The following ZNF469 variants were observed in gnomAD, a reference collection of about 807,000 sequenced individuals.
ZNF469 encodes the protein zinc finger protein 469.
ZNF469 carries 1 observed loss-of-function variant against 1.0 expected under a neutral mutation model. The ratio of observed to expected loss-of-function variants is 1.00; its 90% CI spans 0.35 to 4.73. ZNF469 has a LOEUF of 4.73. Ranked by LOEUF, ZNF469 falls within the 30% of genes most tolerant of loss-of-function variation. The pLI, the probability that ZNF469 is intolerant of heterozygous loss-of-function variation, is 0.16. For missense variants in ZNF469, 6,100 were observed against 5,356.3 expected, an observed-to-expected ratio of 1.14 and a Z score of -4.33; for synonymous variants, 2,703 against 2,363.4, an observed-to-expected ratio of 1.14 and a Z score of -4.17.
In ZNF469 at chr16:88,434,806, C is replaced by G; in HGVS notation, c.7336C>G (p.Gln2446Glu). 6.5e-7 allele frequency: 1 copy of G among 1,550,358 alleles called. No homozygotes were observed. Among genetic ancestry groups the G allele is most frequent in the Non-Finnish European group, 8.7e-7 (1 of 1,146,976 alleles). The change falls in exon 3 of 3, where the codon CAG (glutamine) becomes GAG (glutamate). Residue 2446 changes from glutamine to glutamate, a missense_variant. Physicochemically the swap from Gln to Glu is conservative, Grantham distance 29. Transcript: ENST00000565624. ...GDPLGPQDLK[Q>E]RSRGYKKKPA... ...CCCCCTCGGCCCCCAAGACCTCAAA[C>G]AGAGGTCCCGTGGCTATAAAAAGAA...
the ZNF469 span, among the ~76,000 whole-genome samples, chr16:88,285,017 G>A: frequency 7.9e-5 from 12 of 152,372 alleles, no homozygotes; most frequent in South Asian, 2.1e-4. Context: ...GCCCACAGCC[G>A]GTTCCCCTAG....
chr16:88,257,339 A>G, the ZNF469 span, among the ~76,000 whole-genome samples: 1 of 151,792 alleles, frequency 6.6e-6, no homozygotes, highest in Non-Finnish European at 1.5e-5. Context: ...TCTTTGGCCC[A>G]CTTTTTAAAT....
intron 1 of ZNF469, among the ~76,000 whole-genome samples, chr16:88,422,838 G>T (rs899621610): frequency 1.3e-5 from 2 of 150,506 alleles, no homozygotes; most frequent in Non-Finnish European, 3.0e-5. Context: ...GTGATGGATG[G>T]GTGGATGGAT....
chr16:88,167,930 C>T, the ZNF469 span, among the ~76,000 whole-genome samples: 1 of 152,220 alleles, frequency 6.6e-6, no homozygotes, highest in Non-Finnish European at 1.5e-5. Context: ...TGATGTCAGC[C>T]AGGCGTCTTG....
the ZNF469 span, among the ~76,000 whole-genome samples, chr16:88,112,856 C>T: frequency 1.5e-5 from 2 of 133,888 alleles, no homozygotes; most frequent in Non-Finnish European, 3.1e-5. Flanking sequence ...CAGCTCACTG[C>T]AAGCTCTGCC....
the ZNF469 span, among the ~76,000 whole-genome samples, chr16:88,338,046 G>A: frequency 1.1e-4 from 17 of 152,272 alleles, 2 homozygotes; most frequent in Middle Eastern, 3.4e-3. Context: ...ACACATCTAC[G>A]AAAAGTGCTG....
chr16:88,309,762 C>T, the ZNF469 span, among the ~76,000 whole-genome samples: 1 of 152,176 alleles, frequency 6.6e-6, no homozygotes, highest in Non-Finnish European at 1.5e-5. Flanking sequence ...TCTGAGGTGC[C>T]CTCTCGGTGC....
At chr16:88,250,434 C>G in the ZNF469 span, among the ~76,000 whole-genome samples, 11 of 152,230 alleles carry the variant, frequency 7.2e-5, no homozygotes, top group African/African-American at 2.2e-4. Context: ...GAATATAAAA[C>G]AGTTTGTTTA....
At chr16:88,272,423 T>C in the ZNF469 span, among the ~76,000 whole-genome samples, 7 of 143,428 alleles carry the variant, frequency 4.9e-5, no homozygotes, top group African/African-American at 1.9e-4. Flanking sequence ...GGTGGATAAA[T>C]GGTGTGGATG....
rs1441145400 is a variant in ZNF469 at position 88,437,197 on chromosome 16, C to T, written c.9727C>T (p.Arg3243Cys). The T allele has an allele frequency of 8.4e-6, 13 of 1,549,386 alleles. No homozygotes were observed. Among genetic ancestry groups the T allele is most frequent in the Non-Finnish European group, 9.6e-6 (11 of 1,146,586 alleles). The change falls in exon 3 of 3, where the codon CGC becomes TGC. Residue 3243 changes from arginine to cysteine, a missense_variant. Arg to Cys is a radical substitution (Grantham distance 180). Coordinates refer to ENST00000565624, the MANE Select transcript of ZNF469 (RefSeq NM_001367624.2). Reference sequence around the variant, plus strand: ...CGCGCCCAAACACCACAGGGGCAAGCGCTCCGCCGGCAAGGCCGCCGGGAG... The same window carrying T: ...CGCGCCCAAACACCACAGGGGCAAGTGCTCCGCCGGCAAGGCCGCCGGGAG... ...EPAPKHHRGK[R>C]SAGKAAGSPG... is the part of the protein sequence containing the mutation.
intron 1 of ZNF469, among the ~76,000 whole-genome samples, chr16:88,394,776 A>G (rs1363352794): frequency 6.6e-6 from 1 of 152,204 alleles, no homozygotes. Context: ...TCAGAGCGTG[A>G]CAACAGCATG....
chr16:88,125,136 T>C, the ZNF469 span, among the ~76,000 whole-genome samples: 1 of 152,190 alleles, frequency 6.6e-6, no homozygotes, highest in Non-Finnish European at 1.5e-5. Context: ...AGAAGAATGT[T>C]CTTTCCTCAC....
chr16:88,395,062 C>T (rs1417988440), intron 1 of ZNF469, among the ~76,000 whole-genome samples: 4 of 152,216 alleles, frequency 2.6e-5, no homozygotes, highest in South Asian at 4.1e-4. Context: ...TGCCCCCCGC[C>T]GCAAGGAGTG....
chr16:88,159,582 C>A, the ZNF469 span, among the ~76,000 whole-genome samples: 5 of 152,148 alleles, frequency 3.3e-5, no homozygotes, highest in Non-Finnish European at 2.9e-5. Flanking sequence ...CCCTTCCCCG[C>A]ATTCTCGTCT....
intron 1 of ZNF469, among the ~76,000 whole-genome samples, chr16:88,388,955 C>G (rs937780138): frequency 8.5e-5 from 13 of 152,256 alleles, no homozygotes; most frequent in African/African-American, 2.9e-4. Context: ...AGCCAGGTGC[C>G]AGGGCCATCC....
the ZNF469 span, among the ~76,000 whole-genome samples, chr16:88,119,882 G>A: frequency 1.3e-5 from 2 of 152,228 alleles, no homozygotes; most frequent in African/African-American, 4.8e-5. Flanking sequence ...CACTGCTTGG[G>A]ACAGGATGGT....
chr16:88,166,330 G>C, the ZNF469 span, among the ~76,000 whole-genome samples: 1 of 151,936 alleles, frequency 6.6e-6, no homozygotes, highest in Non-Finnish European at 1.5e-5. This position sits in a 1 kb window ranked among gnomAD's most constrained non-coding sequence, Gnocchi z 4.5. Flanking sequence ...ATCCATTTCA[G>C]AAAACAACTG....
chr16:88,192,955 A>C, the ZNF469 span, among the ~76,000 whole-genome samples: 4 of 132,270 alleles, frequency 3.0e-5, no homozygotes, highest in African/African-American at 1.2e-4. Context: ...GATGATGATG[A>C]GGATGATGGT....
intron 1 of ZNF469, among the ~76,000 whole-genome samples, chr16:88,400,813 G>A (rs780059809): frequency 3.3e-5 from 5 of 151,946 alleles, no homozygotes; most frequent in Admixed American, 6.6e-5. Flanking sequence ...TCTTCAGATC[G>A]TGTTCACGGG....
Sources: allele counts gnomAD v4.1 joint callset (sites outside exome capture counted in the v4.1 genomes callset), GRCh38; gene constraint gnomAD v4.1.1; non-coding constraint Gnocchi (gnomAD v3.1); transcripts MANE v1.5; gene names NCBI Gene and HGNC (gene_info 2026-07-23, HGNC 2026-07-21).